The following ARHGAP4 variants were observed in gnomAD, a reference collection of about 807,000 sequenced individuals.
ARHGAP4 encodes Rho GTPase activating protein 4, also known as rho GTPase-activating protein 4.
Under a neutral mutation model 67.6 loss-of-function variants are expected in ARHGAP4, and 25 were observed. That is an observed-to-expected ratio of 0.37 (90% confidence interval 0.27 to 0.52). The LOEUF (loss-of-function observed/expected upper bound fraction) is 0.52, where lower values mean the gene tolerates loss of function less well. ARHGAP4 is among the 20% of genes least tolerant of loss of function. ARHGAP4 has a pLI of 0.92. For missense variants in ARHGAP4, 804 were observed against 854.6 expected (o/e 0.94, Z 0.74); for synonymous variants, 448 against 373.7 (o/e 1.20, Z -2.29).
intron 7 of ARHGAP4, among the ~76,000 whole-genome samples, chrX:153,914,531 G>A (rs1267724203): frequency 9.0e-6 from 1 of 111,207 alleles, no homozygotes; most frequent in African/African-American, 3.3e-5. Context: ...CCCTGTCTCC[G>A]CTAAAAATAC....
chrX:153,915,964 A>G (rs1476548888), intron 7 of ARHGAP4, among the ~76,000 whole-genome samples: 1 of 111,965 alleles, frequency 8.9e-6, no homozygotes, highest in Non-Finnish European at 1.9e-5. Flanking sequence ...CAGCCCCACC[A>G]TCGGAAGCTG....
chrX:153,909,825 T>C lies in ARHGAP4; in HGVS notation c.2330A>G (p.Glu777Gly). Residue 777 changes from glutamate (E) to glycine (G), a missense_variant, in exon 19 of 22, where the codon GAG becomes GGG. Glu to Gly is a moderately conservative substitution (Grantham distance 98). This residue lies in a region of ARHGAP4 where 400 missense variants were observed against 348.7 expected (regional missense o/e 1.15). Coordinates refer to ENST00000350060, the MANE Select transcript of ARHGAP4 (RefSeq NM_001666.5). ...CCGCCACCAGTCGCTCGAGGCCCTC[T>C]CGTGCAGCCGCAGTACGTCCCCCCG... The part of the protein sequence containing the change: ...FRRGDVLRLH[E>G]RASSDWWRGE... 1.7e-6 allele frequency: 2 copies of C among 1,201,969 alleles called. No individual in the cohort carries two copies. Among genetic ancestry groups the C allele is most frequent in the African/African-American group, 3.5e-5 (2 of 57,757 alleles).
chrX:153,916,846 G>C (rs2065058781), intron 7 of ARHGAP4, among the ~76,000 whole-genome samples: 1 of 113,011 alleles, frequency 8.8e-6, no homozygotes, highest in African/African-American at 3.2e-5. Context: ...GGGAGGCTGA[G>C]GCAAGCAGAT....
chrX:153,925,808 C>G (rs1210134401), intron 1 of ARHGAP4, among the ~76,000 whole-genome samples: 1 of 113,156 alleles, frequency 8.8e-6, no homozygotes, highest in Non-Finnish European at 1.9e-5. Context: ...TAAAATACTG[C>G]CTTCTGAGGG....
At position 153,910,681 on chromosome X, in the gene ARHGAP4, C is replaced by G. The variant is rs782686820; in HGVS notation, c.1816+19G>C. On this transcript the variant is annotated intron_variant, in intron 15 of 21. Coordinates refer to ENST00000350060, the MANE Select transcript of ARHGAP4 (RefSeq NM_001666.5). ...CCCAGCAAGTGCCCTACCCCGCCAG[C>G]CTCAGGCCCCAGCCTCACCCGAAGA... is the stretch of plus-strand genomic sequence containing the variant. 6.7e-6 allele frequency: 8 copies of G among 1,189,513 alleles called. No individual in the cohort carries two copies. The highest frequency in any genetic ancestry group is 7.9e-6 in the Non-Finnish European group (7 of 884,416).
intron 7 of ARHGAP4, among the ~76,000 whole-genome samples, chrX:153,915,035 C>T (rs1420251213): frequency 5.3e-5 from 6 of 112,473 alleles, no homozygotes; most frequent in Non-Finnish European, 1.1e-4. Context: ...TGCATGAAGG[C>T]GCAAGTCACA....
Position 153,926,211 on chromosome X carries a change from C to G in ARHGAP4, c.-9G>C. The stretch of plus-strand genomic sequence containing the variant: ...TTCCCGTGAGCGGCCATGGCGGCCT[C>G]GCGGCCGCGCCGTCGAACCCCACTG... On this transcript the variant is annotated 5_prime_UTR_variant, in exon 1 of 22. Coordinates refer to ENST00000350060, the MANE Select transcript of ARHGAP4 (RefSeq NM_001666.5). 3 of 1,188,034 alleles carry G rather than the reference C, an allele frequency of 2.5e-6. No individual in the cohort carries two copies. The highest frequency in any genetic ancestry group is 3.4e-6 in the Non-Finnish European group (3 of 883,704).
chrX:153,909,078 C>A lies in ARHGAP4; in HGVS notation c.2599G>T (p.Val867Leu). ...CACACACCCACTCTCACCTTATCCA[C>A]CTCCACGTGTTGCTCTGGGGAGGCT... ...VPASPEQHVE[V>L]DKAVAQNMDS... The change falls in exon 21 of 22, where the codon GTG (valine) becomes TTG (leucine). Residue 867 changes from valine (V) to leucine (L), a missense_variant. Val to Leu is a conservative substitution (Grantham distance 32). Around this residue, in one of 2 missense-constraint regions of ARHGAP4, gnomAD observed 400 missense variants for 348.7 expected, o/e 1.15. Transcript: ENST00000350060. The A allele has an allele frequency of 8.3e-7, 1 of 1,211,409 alleles. No individual in the cohort carries two copies.
At position 153,909,991 on chromosome X, in the gene ARHGAP4, C is replaced by A. The variant is rs781831109; in HGVS notation, c.2230+21G>T. The A allele has an allele frequency of 2.7e-5, 33 of 1,209,112 alleles. No homozygotes were observed. In the South Asian group the frequency reaches 5.8e-4, roughly 21 times the overall value. ...ACACTAGGGTGGGGACAGGGTGGGG[C>A]TCTCTGCCCATCGCCCTCACCATCC... is the stretch of plus-strand genomic sequence containing the variant. On this transcript the variant is annotated intron_variant, in intron 18 of 21. Transcript: ENST00000350060.
In ARHGAP4 at chrX:153,922,300, G is replaced by A. The variant is rs947693508; in HGVS notation, c.68-491C>T. Reference sequence around the variant, plus strand: ...CTCAGGGCAAGCCTGCAGCGATCTCGCAGTCTCAGTGGCTGGGGAAGCCTG... The same window carrying A: ...CTCAGGGCAAGCCTGCAGCGATCTCACAGTCTCAGTGGCTGGGGAAGCCTG... On this transcript the variant is annotated intron_variant, in intron 1 of 21. Transcript: ENST00000350060. 32 of 760,994 alleles carry A rather than the reference G, an allele frequency of 4.2e-5. No individual in the cohort carries two copies. In the African/African-American group the frequency reaches 6.9e-4, roughly 16 times the overall value. 62.7% of individuals were successfully genotyped at this position (760,994 alleles called of 1,213,427 possible). A position where few individuals can be genotyped will look rare whatever the true frequency, so the allele number is the denominator to read the frequency against.
chrX:153,915,638 G>C (rs1029605796), intron 7 of ARHGAP4, among the ~76,000 whole-genome samples: 9 of 111,600 alleles, frequency 8.1e-5, no homozygotes, highest in Non-Finnish European at 1.3e-4. Context: ...ACAAATCTTA[G>C]CCACGCATGG....
intron 1 of ARHGAP4, among the ~76,000 whole-genome samples, chrX:153,924,395 C>T (rs980134827): frequency 8.9e-6 from 1 of 111,934 alleles, no homozygotes; most frequent in Non-Finnish European, 1.9e-5. Flanking sequence ...CCTGGCAGAG[C>T]TTTCGGATCT....
chrX:153,924,167 T>C (rs1358072151), intron 1 of ARHGAP4, among the ~76,000 whole-genome samples: 2 of 111,931 alleles, frequency 1.8e-5, no homozygotes, highest in African/African-American at 6.5e-5. Flanking sequence ...CTCTGGAGCC[T>C]GCCCTGCCCT....
intron 17 of ARHGAP4, 41 bp from the exon 18 acceptor site, chrX:153,910,126 T>C: frequency 8.3e-7 from 1 of 1,209,136 alleles, no homozygotes; most frequent in South Asian, 1.8e-5. Flanking sequence ...GGGGGGCTCT[T>C]CTCCAGTGGA....
chrX:153,913,694 G>T (rs1292303871), intron 8 of ARHGAP4, 84 bp downstream of exon 8: 2 of 1,152,393 alleles, frequency 1.7e-6, no homozygotes, highest in East Asian at 3.0e-5. Flanking sequence ...AGGGAGGGGG[G>T]CAGGCAGGGC....
At position 153,911,072 on chromosome X, in the gene ARHGAP4, G is replaced by C. The variant is rs1348725540; in HGVS notation, c.1603+57C>G. On this transcript the variant is annotated intron_variant, in intron 13 of 21. Coordinates refer to ENST00000350060, the MANE Select transcript of ARHGAP4 (RefSeq NM_001666.5). ...CCTCCAGGATGGCCTCCCATGCCAG[G>C]TGCTGGGAACTGGGTGCTGGGTGCC... 3.4e-6 allele frequency: 4 copies of C among 1,162,392 alleles called. No homozygotes were observed. In the African/African-American group the frequency reaches 7.2e-5, roughly 21 times the overall value.
At chrX:153,925,041 A>G (rs1557105913) in intron 1 of ARHGAP4, among the ~76,000 whole-genome samples, 1 of 111,380 alleles carries the variant, frequency 9.0e-6, no homozygotes, top group African/African-American at 3.3e-5. Context: ...TCACTGACCC[A>G]TATTTGCTGA....
At chrX:153,909,605 C>A in intron 19 of ARHGAP4, 70 bp from the exon 20 acceptor site, 2 of 1,112,732 alleles carry the variant, frequency 1.8e-6, no homozygotes, top group Non-Finnish European at 2.4e-6. Context: ...AGCAGCTCCG[C>A]GCCAGCCAGG....
At chrX:153,923,286 A>G (rs782260506) in intron 1 of ARHGAP4, among the ~76,000 whole-genome samples, 17 of 111,633 alleles carry the variant, frequency 1.5e-4, no homozygotes, top group Admixed American at 1.2e-3. Flanking sequence ...AGAAGAGCTC[A>G]ATCCCATTGG....
Sources: gnomAD v4.1 joint callset for allele counts (sites outside exome capture counted in the v4.1 genomes callset) on GRCh38, gnomAD v4.1.1 for gene constraint, gnomAD v4.1.1 regional missense constraint, MANE v1.5 for transcripts, NCBI Gene and HGNC (gene_info 2026-07-23, HGNC 2026-07-21) for gene names.